APBB2: variants seen among roughly 807,000 people sequenced by gnomAD.
APBB2 encodes Fe65-like 1.
Under a neutral mutation model 82.5 loss-of-function variants are expected in APBB2, and 38 were observed. The ratio of observed to expected loss-of-function variants is 0.46; its 90% CI spans 0.36 to 0.60. APBB2 has a LOEUF of 0.60. Among genes scored for constraint, APBB2 ranks in the 20% least tolerant of loss-of-function variants. The pLI is 0.00. For missense variants in APBB2, 772 were observed against 972.3 expected, an observed-to-expected ratio of 0.79 and a Z score of 2.74; for synonymous variants, 341 against 368.2, an observed-to-expected ratio of 0.93 and a Z score of 0.85.
At chr4:41,203,930 C>T (rs1777318011) in intron 1 of APBB2, among the ~76,000 whole-genome samples, 1 of 152,200 alleles carries the variant, frequency 6.6e-6, no homozygotes, top group South Asian at 2.1e-4. Flanking sequence ...TTTATCTTAA[C>T]AAACATGCTT....
chr4:40,900,334 A>G (rs1193987708), intron 10 of APBB2, among the ~76,000 whole-genome samples: 2 of 152,160 alleles, frequency 1.3e-5, no homozygotes, highest in Non-Finnish European at 2.9e-5. Context: ...CTGAGAGTAG[A>G]TAAGTTCGTG....
chr4:41,146,508 TAAAG>T (rs1203286232), intron 1 of APBB2, among the ~76,000 whole-genome samples: 4 of 151,872 alleles, frequency 2.6e-5, no homozygotes, highest in Non-Finnish European at 4.4e-5. Context: ...AAAAAAGAAA[TAAAG>T]AAAACAATAC....
At chr4:41,153,310 T>C (rs1762730006) in intron 1 of APBB2, among the ~76,000 whole-genome samples, 1 of 152,214 alleles carries the variant, frequency 6.6e-6, no homozygotes, top group Non-Finnish European at 1.5e-5. Context: ...TATAATGCTT[T>C]AGTGGAAAAG....
chr4:40,966,461 G>A (rs532169312), intron 6 of APBB2, among the ~76,000 whole-genome samples: 1 of 152,184 alleles, frequency 6.6e-6, no homozygotes, highest in Non-Finnish European at 1.5e-5. Flanking sequence ...TTGGAGGGAG[G>A]GGGGCACTAC....
chr4:40,848,555 TTC>T (rs1373610004), intron 12 of APBB2, among the ~76,000 whole-genome samples: 1 of 152,184 alleles, frequency 6.6e-6, no homozygotes, highest in Non-Finnish European at 1.5e-5. Flanking sequence ...TGCTCTGCCT[TTC>T]TCTCTCTGTC....
intron 1 of APBB2, among the ~76,000 whole-genome samples, chr4:41,169,010 C>A (rs2154051646): frequency 6.6e-6 from 1 of 151,818 alleles, no homozygotes; most frequent in East Asian, 1.9e-4. Context: ...GGTAGTGAGA[C>A]CCCGTCTCTA....
chr4:40,967,076 G>A (rs1794840845), intron 6 of APBB2, among the ~76,000 whole-genome samples: 1 of 152,196 alleles, frequency 6.6e-6, no homozygotes, highest in Non-Finnish European at 1.5e-5. Flanking sequence ...GACTCAGGCA[G>A]ATGATGGGAT....
chr4:40,944,631 G>T (rs1166804141), intron 7 of APBB2, among the ~76,000 whole-genome samples: 1 of 152,114 alleles, frequency 6.6e-6, no homozygotes, highest in Admixed American at 6.6e-5. Flanking sequence ...CTTGCTTTCT[G>T]TACCTGGAAT....
chr4:41,066,047 A>G (rs1339597990), intron 3 of APBB2, among the ~76,000 whole-genome samples: 1 of 152,142 alleles, frequency 6.6e-6, no homozygotes, highest in Non-Finnish European at 1.5e-5. Flanking sequence ...TTGCTCTGAC[A>G]TCTGAACTAA....
intron 2 of APBB2, among the ~76,000 whole-genome samples, chr4:41,141,304 ATGTGTGTGTC>A (rs1379399747): frequency 6.8e-6 from 1 of 146,704 alleles, no homozygotes; most frequent in African/African-American, 2.6e-5. Context: ...GGTCAAAAAT[ATGTGTGTGTC>A]TGTGTGTGTG....
At chr4:40,886,410 G>A (rs1770294806) in intron 12 of APBB2, among the ~76,000 whole-genome samples, 1 of 152,078 alleles carries the variant, frequency 6.6e-6, no homozygotes, top group Admixed American at 6.6e-5. Flanking sequence ...AAACCGGGGG[G>A]CAAAGGTTGC....
chr4:41,105,849 G>A (rs565043499), intron 2 of APBB2, among the ~76,000 whole-genome samples: 1 of 147,906 alleles, frequency 6.8e-6, no homozygotes, highest in African/African-American at 2.5e-5. Context: ...TAGCGCCACT[G>A]CACTCCAGCC....
chr4:40,953,746 TC>T (rs1418727593), intron 6 of APBB2, among the ~76,000 whole-genome samples: 3 of 152,154 alleles, frequency 2.0e-5, no homozygotes, highest in Non-Finnish European at 4.4e-5. Context: ...CTTTCTAGTC[TC>T]CTGTCATCAC....
rs1035769690 is a variant in APBB2 at position 41,066,206 on chromosome 4, G to C, written c.-148-533C>G. Among the ~76,000 whole-genome samples the C allele has an allele frequency of 3.3e-5, 5 of 151,588 alleles. No individual in the cohort carries two copies. The East Asian group carries it at 9.7e-4, about 29-fold the overall frequency. On this transcript the variant is annotated intron_variant, in intron 3 of 17. Transcript: ENST00000508593. ...CACACACGACAATGGACAGCTCAATGTATTTTCCGAAACTGAAAATACACC... is the reference window on the plus strand; with the variant it reads ...CACACACGACAATGGACAGCTCAATCTATTTTCCGAAACTGAAAATACACC...
chr4:41,193,468 G>T, intron 1 of APBB2: 1 of 531,354 alleles, frequency 1.9e-6, no homozygotes, highest in Non-Finnish European at 2.4e-6. Flanking sequence ...AGGATATGCA[G>T]AAAGAACTGA....
intron 5 of APBB2, among the ~76,000 whole-genome samples, chr4:41,022,925 G>C (rs1712273623): frequency 1.3e-5 from 2 of 152,100 alleles, no homozygotes; most frequent in Non-Finnish European, 2.9e-5. Flanking sequence ...TGATATATCA[G>C]AGAAAGGGTG....
intron 6 of APBB2, among the ~76,000 whole-genome samples, chr4:40,985,000 C>A (rs1240535256): frequency 6.6e-6 from 1 of 152,086 alleles, no homozygotes; most frequent in Non-Finnish European, 1.5e-5. Context: ...TGGCTCACTG[C>A]AGCCTCAACC....
At chr4:40,915,446 T>C (rs1343406873) in intron 10 of APBB2, among the ~76,000 whole-genome samples, 2 of 152,224 alleles carry the variant, frequency 1.3e-5, no homozygotes, top group Non-Finnish European at 2.9e-5. Context: ...GCGCAGAGCC[T>C]GATCCTAGTG....
chr4:41,073,833 A>T (rs903454305), intron 3 of APBB2, among the ~76,000 whole-genome samples: 1 of 152,262 alleles, frequency 6.6e-6, no homozygotes. Context: ...TCACACCTGT[A>T]ATCTCAGCAT....
Sources: allele counts gnomAD v4.1 joint callset (sites outside exome capture counted in the v4.1 genomes callset), GRCh38; gene constraint gnomAD v4.1.1; transcripts MANE v1.5; gene names NCBI Gene and HGNC (gene_info 2026-07-23, HGNC 2026-07-21).